MTUS2: variants seen among roughly 807,000 people sequenced by gnomAD.
The protein encoded by MTUS2 is microtubule-associated tumor suppressor candidate 2.
MTUS2 carries 40 observed loss-of-function variants against 114.1 expected under a neutral mutation model. The observed-to-expected ratio is 0.35, with a 90% confidence interval of 0.27 to 0.46. The LOEUF (loss-of-function observed/expected upper bound fraction) is 0.46. MTUS2 is among the 20% of genes least tolerant of loss of function. The pLI is 1.00. For missense variants in MTUS2, 1,679 were observed against 1,705.4 expected (o/e 0.98, Z 0.27); for synonymous variants, 688 against 672.0 (o/e 1.02, Z -0.37).
chr13:29,313,102 C>T (rs1040763391), intron 6 of MTUS2, among the ~76,000 whole-genome samples: 1 of 151,972 alleles, frequency 6.6e-6, no homozygotes, highest in Non-Finnish European at 1.5e-5. Flanking sequence ...GGCATTCAAC[C>T]CATAGTGTAG....
chr13:28,974,341 C>T lies in MTUS2; in HGVS notation c.-242-50116C>T, dbSNP rs1012861142. 1.3e-5 allele frequency among the ~76,000 whole-genome samples: 2 copies of T among 152,132 alleles called. 1 individual carries two copies. Among genetic ancestry groups the T allele is most frequent in the South Asian group, 4.1e-4 (2 of 4,824 alleles). ...ATTTAGTTTTTAAAATACTGAGCCA[C>T]GTTTTTAAAAACACAGTTTGGGCCA... On this transcript the variant is annotated intron_variant, in intron 2 of 15. Transcript: ENST00000612955.
At chr13:29,372,278 A>C (rs1205396748) in intron 8 of MTUS2, among the ~76,000 whole-genome samples, 1 of 151,878 alleles carries the variant, frequency 6.6e-6, no homozygotes, top group African/African-American at 2.4e-5. Context: ...AACAGACCAA[A>C]ATATCAATGC....
intron 5 of MTUS2, among the ~76,000 whole-genome samples, chr13:29,213,834 A>G (rs1458511795): frequency 6.6e-6 from 1 of 152,176 alleles, no homozygotes; most frequent in Middle Eastern, 3.4e-3. Flanking sequence ...TTTAGTTTAA[A>G]TCTACCATCT....
intron 5 of MTUS2, among the ~76,000 whole-genome samples, chr13:29,255,048 A>G (rs974292241): frequency 6.6e-6 from 1 of 152,198 alleles, no homozygotes; most frequent in African/African-American, 2.4e-5. Context: ...AGTTCTGAAT[A>G]TCCCCTAGCT....
chr13:28,836,283 G>A (rs1426657090), intron 1 of MTUS2, among the ~76,000 whole-genome samples: 2 of 152,120 alleles, frequency 1.3e-5, no homozygotes, highest in African/African-American at 4.8e-5. Context: ...CATTTCAAGT[G>A]CTCATTGGCC....
chr13:29,215,764 G>A (rs1282644614), intron 5 of MTUS2, among the ~76,000 whole-genome samples: 1 of 152,070 alleles, frequency 6.6e-6, no homozygotes, highest in African/African-American at 2.4e-5. Context: ...ATCCCAGAGG[G>A]GCACCTGCCA....
At chr13:28,897,273 A>G (rs936533041) in intron 2 of MTUS2, among the ~76,000 whole-genome samples, 4 of 152,238 alleles carry the variant, frequency 2.6e-5, no homozygotes, top group South Asian at 2.1e-4. Flanking sequence ...GAAGACATTT[A>G]TGCAGCCAAA....
chr13:29,411,151 A>G (rs1387358779), intron 8 of MTUS2, among the ~76,000 whole-genome samples: 1 of 152,298 alleles, frequency 6.6e-6, no homozygotes, highest in East Asian at 1.9e-4. Context: ...ACTATTGTTA[A>G]AAGAGAAATT....
At chr13:28,846,440 A>T (rs577502689) in intron 2 of MTUS2, among the ~76,000 whole-genome samples, 1 of 152,306 alleles carries the variant, frequency 6.6e-6, no homozygotes, top group South Asian at 2.1e-4. Context: ...GGACATACAG[A>T]TACACTTCTC....
intron 1 of MTUS2, among the ~76,000 whole-genome samples, chr13:28,824,292 A>G (rs1257136843): frequency 2.0e-5 from 3 of 152,222 alleles, no homozygotes; most frequent in Non-Finnish European, 2.9e-5. Context: ...TGTATCTCCT[A>G]CCACCTGGAG....
intron 5 of MTUS2, among the ~76,000 whole-genome samples, chr13:29,128,322 A>T (rs111641063): frequency 2.0e-5 from 3 of 152,178 alleles, no homozygotes; most frequent in African/African-American, 7.2e-5. Context: ...ACCACATAAT[A>T]GGCGGCAAAG....
rs750887925 is a variant in MTUS2, at chr13:29,324,606, T to G, written c.2807-7T>G. The G allele has an allele frequency of 1.9e-6, 3 of 1,564,888 alleles. No homozygotes were observed. The highest frequency in any genetic ancestry group is 1.9e-5 in the Admixed American group (1 of 53,276). On this transcript the variant is annotated splice_region_variant and splice_polypyrimidine_tract_variant and intron_variant, in intron 6 of 15. Coordinates refer to ENST00000612955, the MANE Select transcript of MTUS2 (RefSeq NM_001033602.4). The stretch of plus-strand genomic sequence containing the variant: ...TCTACCTATTTCTCTTTTCCAACTA[T>G]ACACAGGAACAAAGAAAGATGCTCA...
At chr13:29,424,409 A>C (rs994993700) in intron 8 of MTUS2, among the ~76,000 whole-genome samples, 2 of 152,346 alleles carry the variant, frequency 1.3e-5, no homozygotes, top group East Asian at 3.9e-4. Flanking sequence ...TTTATATAAA[A>C]ATTCCATCTA....
chr13:28,840,423 T>C (rs1875395216), intron 2 of MTUS2, among the ~76,000 whole-genome samples: 1 of 152,226 alleles, frequency 6.6e-6, no homozygotes, highest in African/African-American at 2.4e-5. Flanking sequence ...TGACGCTTTG[T>C]GCAAATTAGA....
At chr13:28,876,005 ATGC>A (rs1396742451) in intron 2 of MTUS2, among the ~76,000 whole-genome samples, 2 of 152,252 alleles carry the variant, frequency 1.3e-5, no homozygotes, top group Non-Finnish European at 2.9e-5. Context: ...TTATTCTGAA[ATGC>A]TGCTATTTAA....
chr13:28,871,812 G>T (rs1877634972), intron 2 of MTUS2, among the ~76,000 whole-genome samples: 1 of 152,184 alleles, frequency 6.6e-6, no homozygotes, highest in African/African-American at 2.4e-5. Flanking sequence ...TTTGATCAGA[G>T]ACCTGTGTCA....
intron 3 of MTUS2, among the ~76,000 whole-genome samples, chr13:29,032,478 G>A (rs1327365052): frequency 2.0e-5 from 3 of 152,158 alleles, no homozygotes; most frequent in Non-Finnish European, 4.4e-5. Flanking sequence ...TTAAAAAAGG[G>A]TATATATGAG....
At chr13:29,446,842 A>G (rs989759913) in intron 9 of MTUS2, among the ~76,000 whole-genome samples, 7 of 152,132 alleles carry the variant, frequency 4.6e-5, no homozygotes, top group African/African-American at 1.7e-4. Context: ...GAAGAGACAC[A>G]TAATATCTAA....
At chr13:28,884,780 G>A (rs1391157118) in intron 2 of MTUS2, among the ~76,000 whole-genome samples, 2 of 152,122 alleles carry the variant, frequency 1.3e-5, no homozygotes, top group South Asian at 2.1e-4. Context: ...TGCATTTTTT[G>A]TTACTTCCTG....
Sources: gnomAD v4.1 joint callset for allele counts (sites outside exome capture counted in the v4.1 genomes callset) on GRCh38, gnomAD v4.1.1 for gene constraint, MANE v1.5 for transcripts, NCBI Gene and HGNC (gene_info 2026-07-23, HGNC 2026-07-21) for gene names.